The following EMP2 variants were observed in gnomAD, a reference collection of about 807,000 sequenced individuals.
The protein encoded by EMP2 is epithelial membrane protein 2.
In EMP2, 19 loss-of-function variants were observed where a neutral mutation model predicts 13.7. That is an observed-to-expected ratio of 1.38 (90% CI 0.97 to 2.03). EMP2 has a LOEUF of 2.03. Among genes scored for constraint, EMP2 ranks in the 30% most tolerant of loss-of-function variants. The pLI is 0.00. For synonymous variants in EMP2, 97 were observed against 84.7 expected (o/e 1.15, Z -0.80); for missense variants, 253 against 220.7 (o/e 1.15, Z -0.93).
intron 1 of EMP2, among the ~76,000 whole-genome samples, chr16:10,551,500 G>C (rs533135707): frequency 2.6e-5 from 4 of 152,102 alleles, no homozygotes; most frequent in African/African-American, 7.2e-5. Flanking sequence ...TCTGCCTCCC[G>C]GGTTCAAGCG....
chr16:10,571,245 G>A (rs1360646538), intron 1 of EMP2, among the ~76,000 whole-genome samples: 2 of 101,694 alleles, frequency 2.0e-5, no homozygotes, highest in African/African-American at 4.0e-5. Context: ...GACAGAGCAA[G>A]ACTCCGTCTC....
intron 2 of EMP2, chr16:10,546,958 G>A (rs908390690): frequency 6.6e-6 from 1 of 152,224 alleles, no homozygotes; most frequent in African/African-American, 2.4e-5. Flanking sequence ...TGCCTGCCAG[G>A]ACCTGCCACC....
chr16:10,565,093 T>C (rs2050898323), intron 1 of EMP2, among the ~76,000 whole-genome samples: 1 of 152,214 alleles, frequency 6.6e-6, no homozygotes, highest in Admixed American at 6.5e-5. Context: ...ATGTCACTCA[T>C]GTTTGGGAAG....
chr16:10,543,964 A>G (rs1368125482), intron 2 of EMP2, among the ~76,000 whole-genome samples: 1 of 151,976 alleles, frequency 6.6e-6, no homozygotes, highest in African/African-American at 2.4e-5. Context: ...GGCTCGAGCA[A>G]TCCTCCCACC....
At chr16:10,540,003 C>T (rs2050681934) in intron 3 of EMP2, among the ~76,000 whole-genome samples, 1 of 152,144 alleles carries the variant, frequency 6.6e-6, no homozygotes, top group South Asian at 2.1e-4. Context: ...TTTTCAGCAA[C>T]AAGTGACCCA....
At chr16:10,568,775 A>ATTT (rs1339434534) in intron 1 of EMP2, among the ~76,000 whole-genome samples, 4 of 67,258 alleles carry the variant, frequency 5.9e-5, no homozygotes, top group African/African-American at 2.8e-4. Context: ...TTGTGCTAGG[A>ATTT]TTTTCTTTTT....
rs534085280 is a variant in EMP2, at chr16:10,566,612, C to T, written c.-61+13937G>A. Among the ~76,000 whole-genome samples the T allele has an allele frequency of 1.6e-3, 246 of 152,340 alleles. 1 individual carries two copies. Among genetic ancestry groups the T allele is most frequent in the African/African-American group, 5.6e-3 (231 of 41,574 alleles). On this transcript the variant is annotated intron_variant, in intron 1 of 4. Transcript: ENST00000359543. ...ATGAATCCCACTGTGCAGAAAACAG[C>T]ATTAAACAGGGATCTCTCTTCCACT...
chr16:10,538,144 C>G, intron 3 of EMP2, 70 bp from the exon 4 acceptor site: 1 of 1,569,746 alleles, frequency 6.4e-7, no homozygotes, highest in Non-Finnish European at 8.7e-7. Flanking sequence ...ACACAGCGAC[C>G]GCAGCAGCTC....
At chr16:10,568,100 A>AT in intron 1 of EMP2, among the ~76,000 whole-genome samples, 2 of 152,202 alleles carry the variant, frequency 1.3e-5, no homozygotes, top group African/African-American at 4.8e-5. Flanking sequence ...ATTTACAGCA[A>AT]TACCAGGGCT....
chr16:10,569,795 G>T (rs544913685), intron 1 of EMP2, among the ~76,000 whole-genome samples: 8 of 152,182 alleles, frequency 5.3e-5, no homozygotes, highest in African/African-American at 1.9e-4. Context: ...CTCTGGGTGT[G>T]TCGATGATTA....
chr16:10,550,248 A>G (rs2050776759), intron 1 of EMP2, among the ~76,000 whole-genome samples: 3 of 152,178 alleles, frequency 2.0e-5, no homozygotes, highest in Admixed American at 2.0e-4. Flanking sequence ...GTGATACAAT[A>G]TAACTATCAT....
intron 3 of EMP2, among the ~76,000 whole-genome samples, chr16:10,542,004 G>A (rs1158222896): frequency 2.6e-5 from 4 of 152,140 alleles, no homozygotes; most frequent in South Asian, 2.1e-4. Flanking sequence ...GTGAGAATCT[G>A]GGACCCAGGG....
At chr16:10,574,951 A>T (rs867977490) in intron 1 of EMP2, among the ~76,000 whole-genome samples, 7 of 151,870 alleles carry the variant, frequency 4.6e-5, no homozygotes, top group African/African-American at 1.7e-4. Context: ...AAGTGGCAGC[A>T]GACTTGAAGT....
At chr16:10,533,638 A>G (rs558462851) in intron 4 of EMP2, among the ~76,000 whole-genome samples, 15 of 152,362 alleles carry the variant, frequency 9.8e-5, no homozygotes, top group Admixed American at 5.2e-4. Flanking sequence ...CAATACAAAA[A>G]TGAATAATAG....
At chr16:10,548,777 T>C (rs1339686009) in intron 1 of EMP2, among the ~76,000 whole-genome samples, 1 of 152,150 alleles carries the variant, frequency 6.6e-6, no homozygotes, top group Admixed American at 6.5e-5. Flanking sequence ...ATATTCCCAT[T>C]TGAACAACAC....
chr16:10,568,138 A>T (rs2050921683), intron 1 of EMP2, among the ~76,000 whole-genome samples: 2 of 152,310 alleles, frequency 1.3e-5, no homozygotes, highest in African/African-American at 4.8e-5. Context: ...CAGGAAGTAG[A>T]AGGGCACACC....
intron 1 of EMP2, among the ~76,000 whole-genome samples, chr16:10,571,773 G>C (rs1222256860): frequency 6.6e-6 from 1 of 152,242 alleles, no homozygotes; most frequent in Non-Finnish European, 1.5e-5. Flanking sequence ...GAGATGAAGA[G>C]AGGGGATGGA....
At chr16:10,576,369 A>G (rs2050984143) in intron 1 of EMP2, 1 of 152,160 alleles carries the variant, frequency 6.6e-6, no homozygotes, top group South Asian at 2.1e-4. Flanking sequence ...GACAGTTCAG[A>G]GAAGTTTGTG....
chr16:10,536,159 C>T (rs903878248), intron 4 of EMP2, among the ~76,000 whole-genome samples: 15 of 152,324 alleles, frequency 9.8e-5, no homozygotes, highest in East Asian at 5.8e-4. Flanking sequence ...GGGGAGGGGA[C>T]GCTGAGTGTG....
Sources: allele counts gnomAD v4.1 joint callset (sites outside exome capture counted in the v4.1 genomes callset), GRCh38; gene constraint gnomAD v4.1.1; transcripts MANE v1.5; gene names NCBI Gene and HGNC (gene_info 2026-07-23, HGNC 2026-07-21).